The following CCDC91 variants were observed in gnomAD, a reference collection of about 807,000 sequenced individuals.
CCDC91 encodes coiled-coil domain containing 91.
In CCDC91, 48 loss-of-function variants were observed where a neutral mutation model predicts 63.2. The observed-to-expected ratio is 0.76, with a 90% CI of 0.60 to 0.97. The LOEUF (loss-of-function observed/expected upper bound fraction) is 0.97. Among genes scored for constraint, CCDC91 ranks in the 50% least tolerant of loss-of-function variants. The pLI is 0.00. For missense variants in CCDC91, 500 were observed against 494.6 expected (o/e 1.01, Z -0.10); for synonymous variants, 167 against 165.8 (o/e 1.01, Z -0.06).
chr12:28,335,469 G>A (rs1164954554), intron 6 of CCDC91, among the ~76,000 whole-genome samples: 1 of 149,512 alleles, frequency 6.7e-6, no homozygotes, highest in Non-Finnish European at 1.5e-5. Flanking sequence ...GCGCAATGGT[G>A]TGATCACAGC....
intron 7 of CCDC91, among the ~76,000 whole-genome samples, chr12:28,388,389 A>G (rs867205098): frequency 2.0e-5 from 3 of 152,276 alleles, no homozygotes; most frequent in Middle Eastern, 3.4e-3. Flanking sequence ...AGCTCCTAGA[A>G]CTGATAAATT....
At chr12:28,497,632 C>T (rs10506036) in intron 12 of CCDC91, among the ~76,000 whole-genome samples, 31,603 of 151,370 alleles carry the variant, frequency 0.21, 4,321 homozygotes, top group Non-Finnish European at 0.31. Flanking sequence ...TATCCAGCAG[C>T]GTACATTGAG....
At chr12:28,422,261 A>G (rs1197680510) in intron 8 of CCDC91, among the ~76,000 whole-genome samples, 1 of 152,136 alleles carries the variant, frequency 6.6e-6, no homozygotes, top group Non-Finnish European at 1.5e-5. Flanking sequence ...GAATTTATCC[A>G]ATTATATTTA....
chr12:28,502,256 AC>A (rs1565485208), intron 12 of CCDC91, among the ~76,000 whole-genome samples: 2 of 151,816 alleles, frequency 1.3e-5, no homozygotes, highest in African/African-American at 4.8e-5. Context: ...AAATCAATGT[AC>A]AAAAATCACA....
At position 28,308,193 on chromosome 12, in the gene CCDC91, T is replaced by C. The variant is rs78562240; in HGVS notation, c.576+444T>C. ...GTAAATGGCAACTCCATCTTTCTAA[T>C]TGCTAAGACTAAAACTAACTCATTC... On this transcript the variant is annotated intron_variant, in intron 6 of 12. Transcript: ENST00000536442. Among the ~76,000 whole-genome samples the C allele has an allele frequency of 2.0e-3, 307 of 152,144 alleles. 2 individuals are homozygous for C. Among genetic ancestry groups the C allele is most frequent in the African/African-American group, 7.0e-3 (289 of 41,562 alleles).
At chr12:28,512,903 C>T (rs1343374797) in intron 12 of CCDC91, among the ~76,000 whole-genome samples, 2 of 151,894 alleles carry the variant, frequency 1.3e-5, no homozygotes, top group African/African-American at 4.8e-5. Context: ...TGTCAAAATG[C>T]AGAAAAGGTC....
intron 1 of CCDC91, among the ~76,000 whole-genome samples, chr12:28,204,208 C>T (rs1421106940): frequency 6.6e-6 from 1 of 152,094 alleles, no homozygotes; most frequent in African/African-American, 2.4e-5. Flanking sequence ...TTGGTAAGAA[C>T]ATGGGGTTAA....
Position 28,396,708 on chromosome 12 carries a change from AAC to A in CCDC91, c.762+5301_762+5302del, listed in dbSNP as rs1400588906. Among the ~76,000 whole-genome samples the A allele has an allele frequency of 1.4e-4, 21 of 150,928 alleles. No individual in the cohort carries two copies. In the South Asian group the frequency reaches 2.5e-3, roughly 18 times the overall value. On this transcript the variant is annotated intron_variant, in intron 8 of 12. Coordinates refer to ENST00000536442, the MANE Select transcript of CCDC91 (RefSeq NM_018318.5). ...CATGTGTGTGTGTGTTTGTGACACA[AAC>A]ACATATATTTTATATATATAAGTAT...
intron 8 of CCDC91, among the ~76,000 whole-genome samples, chr12:28,419,573 A>G (rs1367162283): frequency 6.6e-6 from 1 of 152,156 alleles, no homozygotes; most frequent in African/African-American, 2.4e-5. Context: ...ATATTGGACA[A>G]AATTTATTGA....
At chr12:28,445,158 A>G (rs994735032) in intron 8 of CCDC91, among the ~76,000 whole-genome samples, 1 of 152,190 alleles carries the variant, frequency 6.6e-6, no homozygotes, top group African/African-American at 2.4e-5. Context: ...CTAATATCAA[A>G]TGAGTGATAA....
chr12:28,481,763 G>A (rs1377509372), intron 11 of CCDC91, among the ~76,000 whole-genome samples: 1 of 151,942 alleles, frequency 6.6e-6, no homozygotes, highest in East Asian at 1.9e-4. Context: ...CCCAACTGGG[G>A]AGGATAGAAT....
Position 28,497,264 on chromosome 12 carries a change from A to G in CCDC91, c.1215+13099A>G, listed in dbSNP as rs931582077. ...TTTCTTGCTATTGAACCTGTTATCC[A>G]TGGCCTCTGCTATTTTTCAACTCTG... On this transcript the variant is annotated intron_variant, in intron 12 of 12. Transcript: ENST00000536442. Among the ~76,000 whole-genome samples the G allele has an allele frequency of 2.6e-5, 4 of 151,346 alleles. No individual in the cohort carries two copies. The Admixed American group carries it at 2.6e-4, about 10-fold the overall frequency.
intron 6 of CCDC91, among the ~76,000 whole-genome samples, chr12:28,311,425 C>T (rs113087477): frequency 2.6e-5 from 4 of 152,138 alleles, no homozygotes; most frequent in African/African-American, 9.6e-5. Context: ...TCTTCACAAC[C>T]ACTTGGTTTT....
intron 3 of CCDC91, among the ~76,000 whole-genome samples, chr12:28,282,336 C>A (rs1280412407): frequency 1.3e-5 from 2 of 152,112 alleles, no homozygotes; most frequent in African/African-American, 2.4e-5. Flanking sequence ...AGCTTAGCTA[C>A]CACTTATAAG....
chr12:28,318,991 G>T (rs981609126), intron 6 of CCDC91, among the ~76,000 whole-genome samples: 4 of 151,918 alleles, frequency 2.6e-5, no homozygotes, highest in African/African-American at 7.2e-5. Flanking sequence ...GGACAGAAAA[G>T]ACTAAATTAT....
At chr12:28,502,014 C>T (rs1445350036) in intron 12 of CCDC91, among the ~76,000 whole-genome samples, 2 of 152,004 alleles carry the variant, frequency 1.3e-5, no homozygotes, top group African/African-American at 2.4e-5. Context: ...GTAGTATTCT[C>T]TGATGGTAGT....
intron 1 of CCDC91, among the ~76,000 whole-genome samples, chr12:28,234,578 A>G (rs995357236): frequency 6.6e-6 from 1 of 152,188 alleles, no homozygotes; most frequent in African/African-American, 2.4e-5. Context: ...TTGATAGTAT[A>G]CAGTTCAGCT....
At chr12:28,247,992 TGGC>T (rs1245905898) in intron 1 of CCDC91, among the ~76,000 whole-genome samples, 2 of 152,288 alleles carry the variant, frequency 1.3e-5, no homozygotes, top group East Asian at 3.9e-4. Flanking sequence ...GCTTACTTGC[TGGC>T]CACTCACCTC....
chr12:28,209,475 C>G (rs747060808), intron 1 of CCDC91, among the ~76,000 whole-genome samples: 1 of 152,008 alleles, frequency 6.6e-6, no homozygotes, highest in Non-Finnish European at 1.5e-5. Context: ...GACAGAGTTT[C>G]ACTCTTTCGC....
Sources: gnomAD v4.1 joint callset for allele counts (sites outside exome capture counted in the v4.1 genomes callset) on GRCh38, gnomAD v4.1.1 for gene constraint, MANE v1.5 for transcripts, NCBI Gene and HGNC (gene_info 2026-07-23, HGNC 2026-07-21) for gene names.